HKDC1: variants seen among roughly 807,000 people sequenced by gnomAD.
HKDC1 encodes hexokinase HKDC1.
HKDC1 carries 66 observed loss-of-function variants against 96.6 expected under a neutral mutation model. That is an observed-to-expected ratio of 0.68 (90% confidence interval 0.56 to 0.84). The LOEUF (loss-of-function observed/expected upper bound fraction) is 0.84. Among genes scored for constraint, HKDC1 ranks in the 40% least tolerant of loss-of-function variants. The pLI is 0.00. For missense variants in HKDC1, 1,211 were observed against 1,208.1 expected, an observed-to-expected ratio of 1.00 and a Z score of -0.04; for synonymous variants, 466 against 473.1, an observed-to-expected ratio of 0.98 and a Z score of 0.20.
Position 69,266,794 on chromosome 10 carries a change from T to C in HKDC1, c.*37T>C. The C allele has an allele frequency of 6.3e-7, 1 of 1,589,716 alleles. No homozygotes were observed. Among genetic ancestry groups the C allele is most frequent in the African/African-American group, 1.3e-5 (1 of 74,138 alleles). On this transcript the variant is annotated 3_prime_UTR_variant, in exon 18 of 18. Transcript: ENST00000354624. The stretch of plus-strand genomic sequence containing the variant: ...ATTGGACCTGATGCATCTTGGATAC[T>C]GAACAGCTTTTCCTCTGGCAGATCA...
intron 15 of HKDC1, among the ~76,000 whole-genome samples, chr10:69,260,786 G>T (rs1303469349): frequency 6.6e-6 from 1 of 152,156 alleles, no homozygotes; most frequent in Non-Finnish European, 1.5e-5. Flanking sequence ...AGCACCCCTG[G>T]TGCATGCAGA....
chr10:69,228,368 T>C (rs1377659951), intron 2 of HKDC1, among the ~76,000 whole-genome samples: 2 of 152,206 alleles, frequency 1.3e-5, no homozygotes, highest in Non-Finnish European at 2.9e-5. Context: ...TGATGAGCAA[T>C]TTTGATCCCA....
At chr10:69,221,900 G>T (rs989974482) in intron 1 of HKDC1, among the ~76,000 whole-genome samples, 1 of 151,168 alleles carries the variant, frequency 6.6e-6, no homozygotes, top group Non-Finnish European at 1.5e-5. Context: ...GACAGAGTGA[G>T]ACCCTGTCTG....
At chr10:69,262,088 G>A (rs2132379751) in intron 16 of HKDC1, 1 of 439,142 alleles carries the variant, frequency 2.3e-6, no homozygotes, top group Admixed American at 2.6e-5. Context: ...CATATTGCCT[G>A]GATCTATTAT....
intron 4 of HKDC1, among the ~76,000 whole-genome samples, chr10:69,236,780 CAA>C (rs11294938): frequency 0.033 from 4,409 of 133,670 alleles, 72 homozygotes; most frequent in Middle Eastern, 0.047. Flanking sequence ...AACTTCGTTT[CAA>C]AAAAAAAAAA....
rs374480280 is a variant in HKDC1, at chr10:69,261,204, C to G, written c.2282C>G (p.Thr761Ser). ...GTGCGGCAGATCCTGATCGACCTGA[C>G]CAAGCAGGGTCTCCTCTTCCGAGGG... Reference protein sequence around the residue: ...EIVRQILIDLTKQGLLFRGQI... With the variant: ...EIVRQILIDLSKQGLLFRGQI... The change falls in exon 16 of 18, where the codon ACC becomes AGC. Residue 761 changes from threonine to serine, a missense_variant. By Grantham distance (58) the Thr-to-Ser change is moderately conservative. Transcript: ENST00000354624. 1 of 1,613,918 alleles carries G rather than the reference C, an allele frequency of 6.2e-7. No individual in the cohort carries two copies. Among genetic ancestry groups the G allele is most frequent in the Non-Finnish European group, 8.5e-7 (1 of 1,179,948 alleles).
At chr10:69,222,101 A>G (rs1023327673) in intron 1 of HKDC1, among the ~76,000 whole-genome samples, 1 of 152,180 alleles carries the variant, frequency 6.6e-6, no homozygotes, top group Non-Finnish European at 1.5e-5. Flanking sequence ...GTGCGCCTGT[A>G]ATCCCAACTA....
intron 6 of HKDC1, among the ~76,000 whole-genome samples, chr10:69,241,568 C>G (rs1216823947): frequency 6.6e-6 from 1 of 152,198 alleles, no homozygotes; most frequent in Admixed American, 6.5e-5. Flanking sequence ...ACTGCAACCT[C>G]TGCCTCCCAG....
At chr10:69,257,568 G>A in intron 14 of HKDC1, 142 bp downstream of exon 14, 2 of 704,786 alleles carry the variant, frequency 2.8e-6, no homozygotes, top group East Asian at 2.5e-5. Flanking sequence ...TGGGATTCCA[G>A]GTCACCAAGT....
intron 12 of HKDC1, among the ~76,000 whole-genome samples, chr10:69,250,925 GGA>G (rs938457315): frequency 2.5e-4 from 38 of 152,134 alleles, no homozygotes; most frequent in Non-Finnish European, 4.6e-4. Flanking sequence ...ATCATATTAT[GGA>G]GAGAGGGAGA....
At position 69,254,861 on chromosome 10, in the gene HKDC1, A is replaced by G. The variant is rs117114135; in HGVS notation, c.1837-2175A>G. 1.3e-3 allele frequency among the ~76,000 whole-genome samples: 192 copies of G among 152,358 alleles called. 2 individuals carry two copies. The East Asian group carries it at 0.035, about 28-fold the overall frequency. On this transcript the variant is annotated intron_variant, in intron 12 of 17. Coordinates refer to ENST00000354624, the MANE Select transcript of HKDC1 (RefSeq NM_025130.4). ...GAAATGGTGGGAAAAAGAAAAAAAT[A>G]CTAATAAATGGAGAGGAAAAGGTCT...
intron 1 of HKDC1, among the ~76,000 whole-genome samples, chr10:69,226,254 C>T (rs748932421): frequency 2.0e-5 from 3 of 152,144 alleles, no homozygotes; most frequent in Non-Finnish European, 4.4e-5. Flanking sequence ...GTCCCCGTTT[C>T]CTGGTTACAT....
At chr10:69,256,568 C>T (rs535674460) in intron 12 of HKDC1, among the ~76,000 whole-genome samples, 9 of 152,186 alleles carry the variant, frequency 5.9e-5, no homozygotes, top group Non-Finnish European at 8.8e-5. Flanking sequence ...GTTAGCTGGG[C>T]GTGGTGGCAC....
At chr10:69,236,865 A>C (rs2132345206) in intron 4 of HKDC1, among the ~76,000 whole-genome samples, 1 of 152,342 alleles carries the variant, frequency 6.6e-6, no homozygotes, top group East Asian at 1.9e-4. Context: ...TATTTTATAA[A>C]ATTTCCTCGC....
intron 4 of HKDC1, among the ~76,000 whole-genome samples, chr10:69,237,974 T>G (rs1322916963): frequency 6.6e-6 from 1 of 152,246 alleles, no homozygotes; most frequent in Non-Finnish European, 1.5e-5. Context: ...CTGAGACGAC[T>G]TGGGCGATTC....
chr10:69,265,372 C>T (rs530128224), intron 16 of HKDC1: 2 of 580,618 alleles, frequency 3.4e-6, no homozygotes, highest in African/African-American at 3.8e-5. Flanking sequence ...GAGGCATTCA[C>T]ACTTTATTTT....
At chr10:69,248,917 A>C (rs1328967110) in intron 10 of HKDC1, 189 bp downstream of exon 10, 3 of 589,820 alleles carry the variant, frequency 5.1e-6, no homozygotes, top group East Asian at 5.7e-5. Context: ...TGCAGTAAAA[A>C]CAAAACAAAT....
intron 13 of HKDC1, 28 bp from the exon 14 acceptor site, chr10:69,257,298 GT>G (rs373466797): frequency 1.1e-5 from 17 of 1,588,024 alleles, no homozygotes; most frequent in East Asian, 2.2e-5. Flanking sequence ...GTAAAGCTGG[GT>G]TTTTTTTGTT....
In HKDC1 at chr10:69,257,343, T is replaced by C; in HGVS notation, c.1949T>C (p.Ile650Thr). 1 of 1,613,746 alleles carries C rather than the reference T, an allele frequency of 6.2e-7. No individual in the cohort carries two copies. The highest frequency in any genetic ancestry group is 8.5e-7 in the Non-Finnish European group (1 of 1,179,622). Residue 650 changes from isoleucine to threonine, a missense_variant, in exon 14 of 18, where the codon ATT becomes ACT. Transcript: ENST00000354624. Reference protein sequence around the residue: ...IKRRNEFDLDIVAVVNDTVGT... With the variant: ...IKRRNEFDLDTVAVVNDTVGT... ...TGTTTTTAGGAGTTTGACCTGGACA[T>C]TGTTGCAGTCGTGAATGATACAGTG... is the stretch of plus-strand genomic sequence containing the variant.
Sources: gnomAD v4.1 joint callset for allele counts (sites outside exome capture counted in the v4.1 genomes callset) on GRCh38, gnomAD v4.1.1 for gene constraint, MANE v1.5 for transcripts, NCBI Gene and HGNC (gene_info 2026-07-23, HGNC 2026-07-21) for gene names.